Variants in FRY observed in about 807,000 individuals in gnomAD.
The protein encoded by FRY is FRY microtubule binding protein.
A neutral mutation model predicts 348.4 loss-of-function variants in FRY; 128 were observed. The observed-to-expected ratio is 0.37, with a 90% CI of 0.32 to 0.43. FRY has a LOEUF of 0.43. FRY is among the 20% of genes least tolerant of loss of function. The pLI is 1.00. For missense variants in FRY, 2,736 were observed against 3,695.2 expected (o/e 0.74, Z 6.73); for synonymous variants, 1,370 against 1,374.7 (o/e 1.00, Z 0.08).
chr13:32,095,337 C>CTTTTTTTTTT (rs61006034), intron 2 of FRY, among the ~76,000 whole-genome samples: 2 of 58,292 alleles, frequency 3.4e-5, no homozygotes, highest in Non-Finnish European at 2.9e-5. Flanking sequence ...TGTATGGAAG[C>CTTTTTTTTTT]TTTTTTTTTT....
chr13:32,285,580 G>T (rs1889004646), intron 58 of FRY, among the ~76,000 whole-genome samples: 1 of 152,178 alleles, frequency 6.6e-6, no homozygotes, highest in Non-Finnish European at 1.5e-5. Context: ...GAACAGAAAA[G>T]ATTTTACTTG....
chr13:32,035,464 G>A (rs1214740476), intron 1 of FRY, among the ~76,000 whole-genome samples: 4 of 152,172 alleles, frequency 2.6e-5, no homozygotes, highest in African/African-American at 9.7e-5. Context: ...GGCCTCTTAG[G>A]TTTGCTAGAG....
intron 54 of FRY, among the ~76,000 whole-genome samples, chr13:32,266,226 C>G (rs1187792416): frequency 5.9e-5 from 9 of 152,164 alleles, no homozygotes; most frequent in Non-Finnish European, 8.8e-5. Flanking sequence ...TAAGTAAAAG[C>G]TTCTGATATG....
chr13:32,201,954 G>A lies in FRY; in HGVS notation c.3760G>A (p.Asp1254Asn), dbSNP rs930237165. The A allele has an allele frequency of 3.2e-6, 5 of 1,581,830 alleles. No individual in the cohort carries two copies. Among genetic ancestry groups the A allele is most frequent in the African/African-American group, 1.3e-5 (1 of 74,216 alleles). ...TTGTGTTTTTAGGAACTATCCCTTC[G>A]ACATAGTGACATTGTTAAACCTTGT... The part of the protein sequence containing the change: ...TVCGSRNYPF[D>N]IVTLLNLVLF... The change falls in exon 30 of 61, where the codon GAC becomes AAC. Residue 1254 changes from aspartate (D) to asparagine (N), a missense_variant. Around this residue, in one of 9 missense-constraint regions of FRY, gnomAD observed 794 missense variants for 977.0 expected, o/e 0.81. Transcript: ENST00000542859.
intron 35 of FRY, among the ~76,000 whole-genome samples, chr13:32,214,920 G>A (rs1022962408): frequency 2.0e-5 from 3 of 152,138 alleles, no homozygotes; most frequent in Non-Finnish European, 2.9e-5. Flanking sequence ...CAAAATGACC[G>A]CCTTGGCACC....
chr13:32,097,057 C>T (rs1038088355), intron 2 of FRY, among the ~76,000 whole-genome samples: 2 of 152,032 alleles, frequency 1.3e-5, no homozygotes, highest in Admixed American at 6.6e-5. Context: ...ATCAGCTTCC[C>T]ATCTAATTTG....
intron 2 of FRY, among the ~76,000 whole-genome samples, chr13:32,096,251 C>T (rs978623008): frequency 5.9e-5 from 9 of 152,114 alleles, no homozygotes; most frequent in Non-Finnish European, 7.4e-5. Flanking sequence ...ATTCTCTGTT[C>T]GCAAAGCTAT....
chr13:32,232,432 G>T lies in FRY; in HGVS notation c.5527+1132G>T, dbSNP rs78703573. On this transcript the variant is annotated intron_variant, in intron 41 of 60. Coordinates refer to ENST00000542859, the MANE Select transcript of FRY (RefSeq NM_023037.3). Reference sequence around the variant, plus strand: ...ATTCCTGGAAACACGTGTTAGTCAGGGCGGCATAGCTGCTGTAACAAACAG... The same window carrying T: ...ATTCCTGGAAACACGTGTTAGTCAGTGCGGCATAGCTGCTGTAACAAACAG... Among the ~76,000 whole-genome samples the T allele has an allele frequency of 3.7e-4, 56 of 152,262 alleles. 1 individual carries two copies. In the East Asian group the frequency reaches 9.1e-3, roughly 25 times the overall value.
At chr13:32,284,118 T>C (rs929655530) in intron 58 of FRY, among the ~76,000 whole-genome samples, 8 of 152,236 alleles carry the variant, frequency 5.3e-5, no homozygotes, top group Admixed American at 2.0e-4. Context: ...TTCCATATGA[T>C]GTATTGTTGA....
At chr13:32,203,458 G>T (rs1884165753) in intron 31 of FRY, among the ~76,000 whole-genome samples, 1 of 152,130 alleles carries the variant, frequency 6.6e-6, no homozygotes, top group South Asian at 2.1e-4. Flanking sequence ...GGGCGTGGTG[G>T]CTCACACCCG....
chr13:32,053,519 T>C (rs970876841), intron 1 of FRY, among the ~76,000 whole-genome samples: 3 of 152,242 alleles, frequency 2.0e-5, no homozygotes, highest in Non-Finnish European at 2.9e-5. Flanking sequence ...ACGAACTGTC[T>C]CGGTCCCAGA....
At chr13:32,273,327 A>G (rs577249568) in intron 55 of FRY, among the ~76,000 whole-genome samples, 6 of 145,924 alleles carry the variant, frequency 4.1e-5, no homozygotes, top group East Asian at 2.1e-4. Context: ...GGTTCACGCC[A>G]TTCTCCTGCC....
rs188692066 is a variant in FRY at position 32,128,993 on chromosome 13, G to A, written c.717-2679G>A. Among the ~76,000 whole-genome samples the A allele has an allele frequency of 3.9e-5, 6 of 152,294 alleles. No individual in the cohort carries two copies. The East Asian group carries it at 9.7e-4, about 25-fold the overall frequency. On this transcript the variant is annotated intron_variant, in intron 7 of 60. Transcript: ENST00000542859. ...GTTGAAGTCCAAGCTCAAGGTGTTA[G>A]CAGGGTTGATTCCTTCTGAGGCCTC... is the stretch of plus-strand genomic sequence containing the variant.
At chr13:32,261,416 C>G in intron 51 of FRY, 200 bp from the exon 52 acceptor site, 1 of 757,624 alleles carries the variant, frequency 1.3e-6, no homozygotes, top group Non-Finnish European at 2.4e-6. Flanking sequence ...CTGCCTATGA[C>G]TTCACATGAG....
At chr13:32,167,980 G>A (rs1251850546) in intron 17 of FRY, among the ~76,000 whole-genome samples, 2 of 152,136 alleles carry the variant, frequency 1.3e-5, no homozygotes, top group Non-Finnish European at 2.9e-5. Context: ...CAGGCTTTAT[G>A]TATCTATATA....
chr13:32,131,875 A>T, intron 8 of FRY, 35 bp downstream of exon 8: 2 of 1,522,930 alleles, frequency 1.3e-6, no homozygotes, highest in Non-Finnish European at 1.8e-6. Context: ...AGGTGCTCTC[A>T]ACTTGAGCAC....
chr13:32,147,370 A>C lies in FRY; in HGVS notation c.1268A>C (p.Asn423Thr). Reference sequence around the variant, plus strand: ...ATGATTCGAATTAAATGTGAAAGCAACACAGCTACTCAGAGGTAAGATTTG... The same window carrying C: ...ATGATTCGAATTAAATGTGAAAGCACCACAGCTACTCAGAGGTAAGATTTG... Reference protein sequence around the residue: ...VYMIRIKCESNTATQSRLITI... With the variant: ...VYMIRIKCESTTATQSRLITI... Residue 423 changes from asparagine to threonine, a missense_variant, in exon 12 of 61, where the codon AAC (asparagine) becomes ACC (threonine). Transcript: ENST00000542859. 1 of 1,597,522 alleles carries C rather than the reference A, an allele frequency of 6.3e-7. No individual in the cohort carries two copies. The highest frequency in any genetic ancestry group is 8.6e-7 in the Non-Finnish European group (1 of 1,164,922).
rs564013231 is a variant in FRY, at chr13:32,226,184, T to C, written c.5206+210T>C. Reference sequence around the variant, plus strand: ...TCTTTATTATTGAATATTTGAAATATATTTTTCCTGGTTATATATATGATT... The same window carrying C: ...TCTTTATTATTGAATATTTGAAATACATTTTTCCTGGTTATATATATGATT... On this transcript the variant is annotated intron_variant, in intron 39 of 60. Coordinates refer to ENST00000542859, the MANE Select transcript of FRY (RefSeq NM_023037.3). Among the ~76,000 whole-genome samples the C allele has an allele frequency of 3.7e-4, 56 of 152,352 alleles. 1 individual carries two copies. In the South Asian group the frequency reaches 8.3e-3, roughly 23 times the overall value.
intron 41 of FRY, among the ~76,000 whole-genome samples, chr13:32,231,677 AT>A (rs374279381): frequency 6.6e-6 from 1 of 151,844 alleles, no homozygotes. Flanking sequence ...TGGTCAAACA[AT>A]TTTTTTTTAA....
Sources: allele counts gnomAD v4.1 joint callset (sites outside exome capture counted in the v4.1 genomes callset), GRCh38; gene constraint gnomAD v4.1.1; regional missense constraint gnomAD v4.1.1; transcripts MANE v1.5; gene names NCBI Gene and HGNC (gene_info 2026-07-23, HGNC 2026-07-21).